CSNK1G1: variants seen among roughly 807,000 people sequenced by gnomAD.
CSNK1G1 encodes casein kinase 1 gamma 1.
A neutral mutation model predicts 59.6 loss-of-function variants in CSNK1G1; 22 were observed. That is an observed-to-expected ratio of 0.37 (90% CI 0.26 to 0.53). CSNK1G1 has a LOEUF of 0.53. Among genes scored for constraint, CSNK1G1 ranks in the 20% least tolerant of loss-of-function variants. The probability of loss-of-function intolerance (pLI) is 0.89; values close to 1 mark genes in which losing one functional copy is unlikely to be tolerated. For synonymous variants in CSNK1G1, 179 were observed against 177.1 expected (o/e 1.01, Z -0.08); for missense variants, 384 against 519.5 (o/e 0.74, Z 2.54).
rs1247078873 is a variant in CSNK1G1 at position 64,176,367 on chromosome 15, C to T, written c.1214+3981G>A. The T allele has an allele frequency of 7.5e-6, 3 of 398,058 alleles. No individual in the cohort carries two copies. Among genetic ancestry groups the T allele is most frequent in the East Asian group, 3.6e-5 (1 of 28,068 alleles). 24.7% of individuals were successfully genotyped at this position (398,058 alleles called of 1,614,324 possible). ...TTAGTCCACAGAGGTGAAATGGAAGCGACTCCCTGTGAGCCATGCAAACAT... is the reference window on the plus strand; with the variant it reads ...TTAGTCCACAGAGGTGAAATGGAAGTGACTCCCTGTGAGCCATGCAAACAT... On this transcript the variant is annotated intron_variant, in intron 11 of 11. Transcript: ENST00000303052. This position sits in a 1 kb window ranked among gnomAD's most constrained non-coding sequence, Gnocchi z 5.2.
chr15:64,316,895 A>T (rs926268005), intron 1 of CSNK1G1: 3 of 151,776 alleles, frequency 2.0e-5, no homozygotes, highest in Non-Finnish European at 4.4e-5. Flanking sequence ...TCTTACGTGG[A>T]CCCCCTTACA....
intron 10 of CSNK1G1, among the ~76,000 whole-genome samples, chr15:64,185,619 T>C (rs1179998830): frequency 2.0e-5 from 3 of 152,092 alleles, no homozygotes; most frequent in African/African-American, 7.2e-5. Context: ...ATCCCAGGAC[T>C]TTGCGAGGCC....
chr15:64,178,267 T>C (rs1278497735), intron 11 of CSNK1G1, among the ~76,000 whole-genome samples: 1 of 152,130 alleles, frequency 6.6e-6, no homozygotes, highest in African/African-American at 2.4e-5. Flanking sequence ...TCCCTGAGAA[T>C]AGGAGCATGT....
chr15:64,277,622 TTAATA>T (rs1893737167), intron 2 of CSNK1G1, among the ~76,000 whole-genome samples: 1 of 131,314 alleles, frequency 7.6e-6, no homozygotes, highest in South Asian at 2.4e-4. Context: ...ATTGGTATAT[TTAATA>T]TATTAATATT....
intron 3 of CSNK1G1, among the ~76,000 whole-genome samples, chr15:64,256,194 C>T (rs1316196820): frequency 6.6e-6 from 1 of 152,140 alleles, no homozygotes; most frequent in East Asian, 1.9e-4. Context: ...AACTAGAAGT[C>T]GATCAAAACA....
chr15:64,336,853 T>A (rs1897412799), intron 1 of CSNK1G1, among the ~76,000 whole-genome samples: 1 of 152,172 alleles, frequency 6.6e-6, no homozygotes, highest in Non-Finnish European at 1.5e-5. Context: ...CATAAACATA[T>A]TTTATAAATA....
chr15:64,347,941 G>C (rs1231687217), intron 1 of CSNK1G1, among the ~76,000 whole-genome samples: 1 of 151,866 alleles, frequency 6.6e-6, no homozygotes, highest in African/African-American at 2.4e-5. Flanking sequence ...AGGAGGCGGA[G>C]GTTTCAGTGA....
In CSNK1G1 at chr15:64,204,960, T is replaced by C. The variant is rs746081310; in HGVS notation, c.766-11A>G. On this transcript the variant is annotated splice_polypyrimidine_tract_variant and intron_variant, in intron 7 of 11. Transcript: ENST00000303052. ...TTTTAATGTGTCAGCCTGTAGAGAG[T>C]AAAGAGAGAAAGTTACTTTAAAAGA... The C allele has an allele frequency of 7.2e-6, 11 of 1,521,746 alleles. No homozygotes were observed. Among genetic ancestry groups the C allele is most frequent in the Non-Finnish European group, 5.4e-6 (6 of 1,103,686 alleles). 94.3% of individuals were successfully genotyped at this position (1,521,746 alleles called of 1,614,324 possible).
chr15:64,230,922 C>T (rs902514644), intron 4 of CSNK1G1, among the ~76,000 whole-genome samples: 3 of 151,542 alleles, frequency 2.0e-5, no homozygotes, highest in African/African-American at 4.9e-5. Context: ...TGCAGTGAGC[C>T]GAGATTGTGC....
chr15:64,239,489 C>T (rs551048662), intron 4 of CSNK1G1, among the ~76,000 whole-genome samples: 6 of 152,092 alleles, frequency 3.9e-5, no homozygotes, highest in Non-Finnish European at 7.4e-5. Context: ...AATCCTCCTG[C>T]CTCAGCCCCA....
intron 1 of CSNK1G1, among the ~76,000 whole-genome samples, chr15:64,313,269 T>C (rs989668123): frequency 5.3e-5 from 8 of 152,232 alleles, no homozygotes; most frequent in African/African-American, 1.9e-4. Flanking sequence ...CAAAGGGTTA[T>C]AAATCATTCT....
intron 4 of CSNK1G1, among the ~76,000 whole-genome samples, chr15:64,242,674 T>C (rs935505744): frequency 1.3e-5 from 2 of 152,158 alleles, no homozygotes; most frequent in Non-Finnish European, 2.9e-5. Flanking sequence ...ATAACTAATA[T>C]AAATTCTTCT....
intron 10 of CSNK1G1, among the ~76,000 whole-genome samples, chr15:64,197,248 G>A (rs1194454098): frequency 6.6e-6 from 1 of 152,196 alleles, no homozygotes; most frequent in Non-Finnish European, 1.5e-5. Context: ...ACAGTTTGTT[G>A]AGCCCTAGGC....
chr15:64,176,193 G>A lies in CSNK1G1; in HGVS notation c.1214+4155C>T, dbSNP rs1015391762. 14 of 398,596 alleles carry A rather than the reference G, an allele frequency of 3.5e-5. No individual in the cohort carries two copies. The highest frequency in any genetic ancestry group is 2.1e-4 in the African/African-American group (10 of 48,610). The allele number at this position is 398,596 out of a possible 1,614,324, so 24.7% of individuals were successfully genotyped here. A position where few individuals can be genotyped will look rare whatever the true frequency, so the allele number is the denominator to read the frequency against. On this transcript the variant is annotated intron_variant, in intron 11 of 11. Coordinates refer to ENST00000303052, the MANE Select transcript of CSNK1G1 (RefSeq NM_022048.5). The surrounding 1 kb of genome is among the most constrained non-coding windows in gnomAD (Gnocchi z 5.2). ...CTATTTAATGTTCCTAAGGCATTTT[G>A]TTTGGCTTTGCCAGTCCCAGCCTAG...
chr15:64,169,919 A>G lies in CSNK1G1; in HGVS notation c.*2012T>C, dbSNP rs537510182. On this transcript the variant is annotated 3_prime_UTR_variant, in exon 12 of 12. Coordinates refer to ENST00000303052, the MANE Select transcript of CSNK1G1 (RefSeq NM_022048.5). ...ATGTTATTTCTGCTCTGTGTAAGGT[A>G]CATCAAGGGAATTTTTCAAGAAATG... 3.5e-4 allele frequency: 54 copies of G among 152,322 alleles called. No individual in the cohort carries two copies. Among genetic ancestry groups the G allele is most frequent in the African/African-American group, 1.3e-3 (52 of 41,562 alleles). The allele number at this position is 152,322 out of a possible 1,614,324, so 9.4% of individuals were successfully genotyped here. A position where few individuals can be genotyped will look rare whatever the true frequency, so the allele number is the denominator to read the frequency against.
Position 64,300,647 on chromosome 15 carries a change from G to T in CSNK1G1, c.-148C>A, listed in dbSNP as rs1371634934. ...CATATTTGTTTGTAATGTATCTCCG[G>T]GAGATGAAAAACCATTTATTTGTTC... is the stretch of plus-strand genomic sequence containing the variant. On this transcript the variant is annotated 5_prime_UTR_variant, in exon 2 of 12. Coordinates refer to ENST00000303052, the MANE Select transcript of CSNK1G1 (RefSeq NM_022048.5). 7.7e-7 allele frequency: 1 copy of T among 1,299,110 alleles called. No homozygotes were observed. The highest frequency in any genetic ancestry group is 1.5e-5 in the African/African-American group (1 of 66,642). The allele number at this position is 1,299,110 out of a possible 1,614,324, so 80.5% of individuals were successfully genotyped here.
intron 1 of CSNK1G1, among the ~76,000 whole-genome samples, chr15:64,301,524 A>G (rs1895339096): frequency 6.6e-6 from 1 of 152,288 alleles, no homozygotes; most frequent in African/African-American, 2.4e-5. Context: ...AAAAAAAAAT[A>G]CTGCTATCAC....
chr15:64,213,772 C>A (rs1349968894), intron 6 of CSNK1G1, 118 bp downstream of exon 6: 31 of 722,482 alleles, frequency 4.3e-5, no homozygotes, highest in Non-Finnish European at 6.4e-5. Flanking sequence ...ATAAAAATCA[C>A]TCAACCTTGT....
At chr15:64,203,314 C>A in intron 9 of CSNK1G1, 125 bp from the exon 10 acceptor site, 1 of 698,622 alleles carries the variant, frequency 1.4e-6, no homozygotes. Flanking sequence ...AGAGCACTTT[C>A]AAGTTGTCTT....
Sources: allele counts gnomAD v4.1 joint callset (sites outside exome capture counted in the v4.1 genomes callset), GRCh38; gene constraint gnomAD v4.1.1; non-coding constraint Gnocchi (gnomAD v3.1); transcripts MANE v1.5; gene names NCBI Gene and HGNC (gene_info 2026-07-23, HGNC 2026-07-21).